Variants in SPTBN1 observed in about 807,000 individuals in gnomAD.
SPTBN1 encodes the protein spectrin beta, non-erythrocytic 1.
Under a neutral mutation model 266.4 loss-of-function variants are expected in SPTBN1, and 32 were observed. The ratio of observed to expected loss-of-function variants is 0.12; its 90% confidence interval spans 0.09 to 0.16. SPTBN1 has a LOEUF of 0.16. Ranked by LOEUF, SPTBN1 falls within the 10% of genes least tolerant of loss-of-function variation. The pLI, the probability that SPTBN1 is intolerant of heterozygous loss-of-function variation, is 1.00. For missense variants in SPTBN1, 2,296 were observed against 3,067.1 expected, an observed-to-expected ratio of 0.75 and a Z score of 5.94; for synonymous variants, 1,336 against 1,162.2, an observed-to-expected ratio of 1.15 and a Z score of -3.04.
At chr2:54,632,513 G>A (rs1678819421) in intron 16 of SPTBN1, 53 bp from the exon 17 acceptor site, 1 of 1,569,060 alleles carries the variant, frequency 6.4e-7, no homozygotes, top group Non-Finnish European at 8.8e-7. Context: ...TAGAACACAG[G>A]AAAATGAGAT....
intron 1 of SPTBN1, among the ~76,000 whole-genome samples, chr2:54,491,527 TG>T (rs755278876): frequency 6.6e-6 from 1 of 152,376 alleles, no homozygotes; most frequent in Non-Finnish European, 1.5e-5. Context: ...ATATCTTAAA[TG>T]CTTTGTAATC....
At chr2:54,496,297 G>A (rs1668964381) in intron 1 of SPTBN1, among the ~76,000 whole-genome samples, 1 of 151,972 alleles carries the variant, frequency 6.6e-6, no homozygotes, top group African/African-American at 2.4e-5. Context: ...AATTAGCCAG[G>A]CATGTTGGCG....
intron 32 of SPTBN1, chr2:54,660,704 C>G: frequency 1.2e-5 from 12 of 985,462 alleles, no homozygotes; most frequent in Non-Finnish European, 1.4e-5. Context: ...TTTTTACAAA[C>G]TAGTTCCTCT....
chr2:54,614,344 C>T (rs1188288746), intron 4 of SPTBN1, among the ~76,000 whole-genome samples: 1 of 152,150 alleles, frequency 6.6e-6, no homozygotes, highest in Admixed American at 6.6e-5. Flanking sequence ...TCTCCTTCCA[C>T]CAGCTCCTGA....
At chr2:54,657,524 T>G (rs1176697746) in intron 29 of SPTBN1, among the ~76,000 whole-genome samples, 1 of 152,210 alleles carries the variant, frequency 6.6e-6, no homozygotes, top group Non-Finnish European at 1.5e-5. Flanking sequence ...AGATTTAGAT[T>G]TAGAAGAAAA....
chr2:54,634,292 C>T (rs979948289), intron 17 of SPTBN1, among the ~76,000 whole-genome samples: 1 of 152,184 alleles, frequency 6.6e-6, no homozygotes, highest in African/African-American at 2.4e-5. Context: ...GCTGTCTAGA[C>T]TCCTGGATAT....
intron 1 of SPTBN1, among the ~76,000 whole-genome samples, chr2:54,478,178 A>T (rs1667934679): frequency 6.6e-6 from 1 of 152,086 alleles, no homozygotes; most frequent in Non-Finnish European, 1.5e-5. Context: ...GAGCTGTCCG[A>T]TCCTGGTCCC....
At chr2:54,530,690 G>T (rs1019607435) in intron 2 of SPTBN1, among the ~76,000 whole-genome samples, 2 of 152,032 alleles carry the variant, frequency 1.3e-5, no homozygotes, top group African/African-American at 2.4e-5. Flanking sequence ...TTTACTTTAC[G>T]TGTCTTCATC....
At chr2:54,480,553 G>A (rs72618662) in intron 1 of SPTBN1, among the ~76,000 whole-genome samples, 33,423 of 152,092 alleles carry the variant, frequency 0.22, 4,714 homozygotes, top group East Asian at 0.38. Context: ...TTTGTAATCC[G>A]AAAGAATTTT....
At chr2:54,636,863 T>C (rs1419248729) in intron 17 of SPTBN1, among the ~76,000 whole-genome samples, 1 of 152,260 alleles carries the variant, frequency 6.6e-6, no homozygotes, top group Non-Finnish European at 1.5e-5. Flanking sequence ...TTTTGAATCC[T>C]CAGTGGGTCC....
Position 54,533,846 on chromosome 2 carries a change from C to T in SPTBN1, c.148+7280C>T, listed in dbSNP as rs567860108. 3.3e-5 allele frequency among the ~76,000 whole-genome samples: 5 copies of T among 152,148 alleles called. No homozygotes were observed. Among genetic ancestry groups the T allele is most frequent in the Admixed American group, 1.3e-4 (2 of 15,298 alleles). On this transcript the variant is annotated intron_variant, in intron 2 of 35. Coordinates refer to ENST00000356805, the MANE Select transcript of SPTBN1 (RefSeq NM_003128.3). This position sits in a 1 kb window ranked among gnomAD's most constrained non-coding sequence, Gnocchi z 4.2. ...GATTACAGGCGTGAGCCTCCACGCC[C>T]GGCCTGCTGTAGTAATTTAGGGGGA...
intron 32 of SPTBN1, chr2:54,660,995 C>G (rs1349072938): frequency 3.2e-5 from 32 of 985,280 alleles, no homozygotes; most frequent in Non-Finnish European, 3.7e-5. Flanking sequence ...TGTGGTTCAT[C>G]CTGATTACTT....
In SPTBN1 at chr2:54,626,573, T is replaced by C. The variant is rs146821572; in HGVS notation, c.1644+339T>C. Among the ~76,000 whole-genome samples the C allele has an allele frequency of 9.7e-4, 148 of 152,254 alleles. 1 individual carries two copies. Among genetic ancestry groups the C allele is most frequent in the African/African-American group, 3.5e-3 (146 of 41,550 alleles). ...ACCGTTTCATTGATCTGTGAGTGAG[T>C]GGTACTACTTTGGGCAGGGGTCCCG... is the stretch of plus-strand genomic sequence containing the variant. On this transcript the variant is annotated intron_variant, in intron 12 of 35. Coordinates refer to ENST00000356805, the MANE Select transcript of SPTBN1 (RefSeq NM_003128.3). This position sits in a 1 kb window ranked among gnomAD's most constrained non-coding sequence, Gnocchi z 4.7.
At chr2:54,501,079 G>A (rs1293082181) in intron 1 of SPTBN1, among the ~76,000 whole-genome samples, 3 of 152,186 alleles carry the variant, frequency 2.0e-5, no homozygotes, top group Non-Finnish European at 4.4e-5. Context: ...TCTGATTACA[G>A]ATCTCTCGTG....
rs1678538858 is a variant in SPTBN1 at position 54,628,890 on chromosome 2, G to A, written c.1799-43G>A. Reference sequence around the variant, plus strand: ...CTGCCAGTGAGCCTGCACCCATGCTGAGCTCCCTCACACAGCCACGTTCCT... The same window carrying A: ...CTGCCAGTGAGCCTGCACCCATGCTAAGCTCCCTCACACAGCCACGTTCCT... On this transcript the variant is annotated intron_variant, in intron 13 of 35. Coordinates refer to ENST00000356805, the MANE Select transcript of SPTBN1 (RefSeq NM_003128.3). The surrounding 1 kb of genome is among the most constrained non-coding windows in gnomAD (Gnocchi z 4.3). 6.5e-7 allele frequency: 1 copy of A among 1,538,158 alleles called. No individual in the cohort carries two copies. The highest frequency in any genetic ancestry group is 2.3e-5 in the East Asian group (1 of 44,326).
intron 2 of SPTBN1, 137 bp from the exon 3 acceptor site, chr2:54,598,955 G>T: frequency 1.2e-6 from 1 of 831,238 alleles, no homozygotes; most frequent in South Asian, 1.7e-5. Context: ...CCGCAGTTAA[G>T]GGGCGCTAAG....
intron 1 of SPTBN1, among the ~76,000 whole-genome samples, chr2:54,492,551 C>CTG (rs1484575370): frequency 1.3e-5 from 2 of 150,204 alleles, no homozygotes; most frequent in East Asian, 3.9e-4. Context: ...TTTGCACCAA[C>CTG]TGACTGACTG....
At chr2:54,464,159 A>G (rs761960273) in intron 1 of SPTBN1, among the ~76,000 whole-genome samples, 1 of 152,234 alleles carries the variant, frequency 6.6e-6, no homozygotes. Flanking sequence ...TTAAATGCTT[A>G]TACCTCTTGA....
At chr2:54,492,352 T>TTG (rs1336195222) in intron 1 of SPTBN1, among the ~76,000 whole-genome samples, 3 of 150,524 alleles carry the variant, frequency 2.0e-5, no homozygotes, top group African/African-American at 4.9e-5. Context: ...TTTTTTTGTT[T>TTG]TTTTTTTTTT....
Sources: gnomAD v4.1 joint callset for allele counts (sites outside exome capture counted in the v4.1 genomes callset) on GRCh38, gnomAD v4.1.1 for gene constraint, Gnocchi (gnomAD v3.1) non-coding constraint, MANE v1.5 for transcripts, NCBI Gene and HGNC (gene_info 2026-07-23, HGNC 2026-07-21) for gene names.